The following DCTN2 variants were observed in gnomAD, a reference collection of about 807,000 sequenced individuals.
The protein encoded by DCTN2 is dynactin subunit 2, also known as 50 kDa dynein-associated polypeptide.
DCTN2 carries 18 observed loss-of-function variants against 55.4 expected under a neutral mutation model. The ratio of observed to expected loss-of-function variants is 0.32; its 90% CI spans 0.22 to 0.48. DCTN2 has a LOEUF of 0.48. DCTN2 is among the 20% of genes least tolerant of loss of function. DCTN2 has a pLI of 0.99. For synonymous variants in DCTN2, 168 were observed against 185.2 expected (o/e 0.91, Z 0.76); for missense variants, 390 against 491.0 (o/e 0.79, Z 1.94).
chr12:57,534,038 G>GT lies in DCTN2; in HGVS notation c.583dup (p.Thr195AsnfsTer8). ...GCTGCTATCTGGGGGGGTCCCAGTG[G>GT]TTTTTCCCCCTGATCCCCCTTTGCT... is the stretch of plus-strand genomic sequence containing the variant. On this transcript the variant is annotated frameshift_variant, in exon 7 of 14. Transcript: ENST00000548249. LOFTEE classifies it high-confidence loss of function. 6 of 1,613,512 alleles carry GT rather than the reference G, an allele frequency of 3.7e-6. No individual in the cohort carries two copies. Among genetic ancestry groups the GT allele is most frequent in the South Asian group, 1.1e-5 (1 of 91,020 alleles).
intron 2 of DCTN2, among the ~76,000 whole-genome samples, chr12:57,544,570 A>G (rs1470914661): frequency 2.0e-5 from 3 of 151,664 alleles, no homozygotes; most frequent in Non-Finnish European, 4.4e-5. Flanking sequence ...GCTCGCCACC[A>G]CGCCTTGCTA....
In DCTN2 at chr12:57,535,165, G is replaced by A. The variant is rs1880125730; in HGVS notation, c.265-11C>T. On this transcript the variant is annotated splice_polypyrimidine_tract_variant and intron_variant, in intron 4 of 13. Coordinates refer to ENST00000548249, the MANE Select transcript of DCTN2 (RefSeq NM_001261413.2). ...CAGACCCTCTCCAAGCTAGAGAGCAGGCACAGAGGGTAATGTTATATGTCT... is the reference window on the plus strand; with the variant it reads ...CAGACCCTCTCCAAGCTAGAGAGCAAGCACAGAGGGTAATGTTATATGTCT... 6.2e-7 allele frequency: 1 copy of A among 1,601,974 alleles called. No individual in the cohort carries two copies. The highest frequency in any genetic ancestry group is 1.3e-5 in the African/African-American group (1 of 74,514).
At chr12:57,531,789 T>G (rs937374918) in intron 13 of DCTN2, among the ~76,000 whole-genome samples, 24 of 152,332 alleles carry the variant, frequency 1.6e-4, no homozygotes, top group African/African-American at 5.5e-4. Flanking sequence ...TCACCTCATC[T>G]ACATAACTCT....
intron 3 of DCTN2, 30 bp downstream of exon 3, chr12:57,535,718 TC>T (rs758849057): frequency 3.1e-6 from 5 of 1,588,980 alleles, no homozygotes; most frequent in Admixed American, 1.7e-5. Flanking sequence ...CCTCCAGTCT[TC>T]CCCCCACCCA....
chr12:57,532,641 A>C lies in DCTN2; in HGVS notation c.855T>G (p.Ser285Arg). Reference protein sequence around the residue: ...VLDQVEARLQSVLGKVNEIAK... With the variant: ...VLDQVEARLQRVLGKVNEIAK... Reference sequence around the variant, plus strand: ...CAATCTCGTTCACCTTTCCCAGGACACTCTGAAAACACAGATTTTAAGGTT... The same window carrying C: ...CAATCTCGTTCACCTTTCCCAGGACCCTCTGAAAACACAGATTTTAAGGTT... The change falls in exon 11 of 14, where the codon AGT becomes AGG. Residue 285 changes from serine (S) to arginine (R), a missense_variant and splice_region_variant. Coordinates refer to ENST00000548249, the MANE Select transcript of DCTN2 (RefSeq NM_001261413.2). 1 of 1,613,896 alleles carries C rather than the reference A, an allele frequency of 6.2e-7. No individual in the cohort carries two copies. Among genetic ancestry groups the C allele is most frequent in the Non-Finnish European group, 8.5e-7 (1 of 1,179,866 alleles).
In DCTN2 at chr12:57,547,101, T is replaced by G. The variant is rs922100146; in HGVS notation, c.-38A>C. ...ACGGGCTGGGGGACCCGGGCCTCGGTGGAGCCGGGGCCGGTGTTCGGGTAG... is the reference window on the plus strand; with the variant it reads ...ACGGGCTGGGGGACCCGGGCCTCGGGGGAGCCGGGGCCGGTGTTCGGGTAG... On this transcript the variant is annotated 5_prime_UTR_variant, in exon 1 of 14. Coordinates refer to ENST00000548249, the MANE Select transcript of DCTN2 (RefSeq NM_001261413.2). 2.2e-5 allele frequency: 27 copies of G among 1,252,996 alleles called. No individual in the cohort carries two copies. The highest frequency in any genetic ancestry group is 4.2e-5 in the Admixed American group (1 of 24,084). 77.6% of individuals were successfully genotyped at this position (1,252,996 alleles called of 1,614,324 possible).
chr12:57,533,676 CAGG>C (rs1879952032), intron 7 of DCTN2, among the ~76,000 whole-genome samples: 1 of 151,166 alleles, frequency 6.6e-6, no homozygotes, highest in Admixed American at 6.6e-5. Flanking sequence ...GAGGCTGAGG[CAGG>C]AGAATGGCGT....
intron 7 of DCTN2, among the ~76,000 whole-genome samples, chr12:57,533,701 G>A (rs961185397): frequency 2.6e-5 from 4 of 151,746 alleles, no homozygotes; most frequent in Non-Finnish European, 4.4e-5. Context: ...AACCCGGGAG[G>A]CGGAGCTTGC....
chr12:57,537,341 GAA>G (rs1880321221), intron 2 of DCTN2, among the ~76,000 whole-genome samples: 1 of 45,310 alleles, frequency 2.2e-5, no homozygotes, highest in Middle Eastern at 0.02. Context: ...CTCAAAAAAA[GAA>G]AAAGAGAGAG....
chr12:57,540,488 G>A (rs1880606138), intron 2 of DCTN2, among the ~76,000 whole-genome samples: 1 of 152,158 alleles, frequency 6.6e-6, no homozygotes. Flanking sequence ...CTGGCCCCGG[G>A]TGCCAGCTTA....
At chr12:57,541,247 C>A in intron 2 of DCTN2, 1 of 1,263,794 alleles carries the variant, frequency 7.9e-7, no homozygotes, top group Non-Finnish European at 1.1e-6. Context: ...AGTGACCCAG[C>A]CAGGGACTCA....
At chr12:57,533,043 G>T in intron 8 of DCTN2, 21 bp from the exon 9 acceptor site, 1 of 1,590,676 alleles carries the variant, frequency 6.3e-7, no homozygotes. Flanking sequence ...AGGAAGGGAA[G>T]AAGTGAGTGG....
chr12:57,537,361 A>AG (rs1880327448), intron 2 of DCTN2, among the ~76,000 whole-genome samples: 1 of 144,772 alleles, frequency 6.9e-6, no homozygotes, highest in Non-Finnish European at 1.5e-5. Context: ...GAGAGAGAAA[A>AG]GAAAAAAAAA....
In DCTN2 at chr12:57,533,318, G is replaced by A. The variant is rs770193570; in HGVS notation, c.670-15C>T. The A allele has an allele frequency of 2.5e-6, 4 of 1,613,396 alleles. No individual in the cohort carries two copies. In the Admixed American group the frequency reaches 6.7e-5, roughly 27 times the overall value. On this transcript the variant is annotated splice_polypyrimidine_tract_variant and intron_variant, in intron 7 of 13. Transcript: ENST00000548249. ...AGTTCTGCGACCTAGTGGGAGGAAGGAGGTGAGATTTGCCATCTGCTTCCC... is the reference window on the plus strand; with the variant it reads ...AGTTCTGCGACCTAGTGGGAGGAAGAAGGTGAGATTTGCCATCTGCTTCCC...
At position 57,534,253 on chromosome 12, in the gene DCTN2, C is replaced by A. The variant is rs761230230; in HGVS notation, c.524+39G>T. ...TAGCTGGCTGAGTCCATCCACAACC[C>A]CAGTCAGCAATGATTTTTCAACAAA... On this transcript the variant is annotated intron_variant, in intron 6 of 13. Transcript: ENST00000548249. 5 of 1,549,906 alleles carry A rather than the reference C, an allele frequency of 3.2e-6. No individual in the cohort carries two copies. In the South Asian group the frequency reaches 4.9e-5, roughly 15 times the overall value.
intron 7 of DCTN2, among the ~76,000 whole-genome samples, 187 bp downstream of exon 7, chr12:57,533,766 G>A (rs1470647857): frequency 6.5e-5 from 5 of 77,264 alleles, no homozygotes; most frequent in African/African-American, 1.8e-4. Context: ...GCAAGACTCC[G>A]TCTCAAAAAA....
At chr12:57,544,105 T>G (rs1312220731) in intron 2 of DCTN2, 1 of 449,766 alleles carries the variant, frequency 2.2e-6, no homozygotes, top group East Asian at 7.0e-5. Context: ...ATTCATTATC[T>G]CACCATGAAG....
chr12:57,531,911 C>T (rs1879754522), intron 13 of DCTN2, 104 bp downstream of exon 13: 3 of 1,506,190 alleles, frequency 2.0e-6, no homozygotes, highest in African/African-American at 1.4e-5. Flanking sequence ...CCCCCTGCCA[C>T]AACACCATGC....
intron 2 of DCTN2, chr12:57,543,137 CAGG>C (rs1880839255): frequency 2.4e-6 from 1 of 418,336 alleles, no homozygotes. Context: ...ATCACGAGGT[CAGG>C]AGATCGAGAC....
Sources: gnomAD v4.1 joint callset for allele counts (sites outside exome capture counted in the v4.1 genomes callset) on GRCh38, gnomAD v4.1.1 for gene constraint, MANE v1.5 for transcripts, NCBI Gene and HGNC (gene_info 2026-07-23, HGNC 2026-07-21) for gene names.